CPS1: variants seen among roughly 807,000 people sequenced by gnomAD.
CPS1 encodes the protein carbamoyl-phosphate synthase 1.
Under a neutral mutation model 174.6 loss-of-function variants are expected in CPS1, and 109 were observed. The ratio of observed to expected loss-of-function variants is 0.62; its 90% CI spans 0.53 to 0.73. CPS1 has a LOEUF of 0.73. Among genes scored for constraint, CPS1 ranks in the 30% least tolerant of loss-of-function variants. CPS1 has a pLI of 0.00. For synonymous variants in CPS1, 637 were observed against 632.0 expected (o/e 1.01, Z -0.12); for missense variants, 1,689 against 1,821.9 (o/e 0.93, Z 1.33).
chr2:210,642,054 C>T (rs946484273), intron 24 of CPS1, among the ~76,000 whole-genome samples: 4 of 152,160 alleles, frequency 2.6e-5, no homozygotes, highest in Non-Finnish European at 1.5e-5. Flanking sequence ...AGCCCTCAGA[C>T]AGCAGATTAA....
At chr2:210,599,268 C>A in intron 13 of CPS1, 104 bp from the exon 14 acceptor site, 1 of 1,024,736 alleles carries the variant, frequency 9.8e-7, no homozygotes, top group Non-Finnish European at 1.5e-6. Flanking sequence ...CTACGGCCCA[C>A]AGATAACCTA....
intron 21 of CPS1, among the ~76,000 whole-genome samples, chr2:210,620,709 T>A (rs954490971): frequency 3.9e-5 from 6 of 151,906 alleles, no homozygotes; most frequent in African/African-American, 1.2e-4. Flanking sequence ...ACAACCAGAT[T>A]ATGCAAGAAT....
At chr2:210,485,101 G>A (rs1694679848) in intron 1 of CPS1, among the ~76,000 whole-genome samples, 1 of 151,880 alleles carries the variant, frequency 6.6e-6, no homozygotes, top group Non-Finnish European at 1.5e-5. Context: ...CATGGTGGCA[G>A]GCACCTGTAG....
chr2:210,513,003 T>G lies in CPS1; in HGVS notation c.3+35237T>G, dbSNP rs1260004832. The stretch of plus-strand genomic sequence containing the variant: ...ATATGGAGAGATATATATATGGAGA[T>G]ATATATATATCTATATATCTATATA... On this transcript the variant is annotated intron_variant, in intron 1 of 38. Transcript: ENST00000430249. Among the ~76,000 whole-genome samples, 4 of 24,670 alleles carry G rather than the reference T, an allele frequency of 1.6e-4. 1 individual carries two copies. Among genetic ancestry groups the G allele is most frequent in the Non-Finnish European group, 4.3e-4 (3 of 6,998 alleles). 16.2% of individuals were successfully genotyped at this position (24,670 alleles called of 152,430 possible).
At chr2:210,669,875 T>A (rs1368353333) in intron 34 of CPS1, among the ~76,000 whole-genome samples, 2 of 152,158 alleles carry the variant, frequency 1.3e-5, no homozygotes, top group Non-Finnish European at 2.9e-5. Context: ...CATCTAATCA[T>A]AATAGTGCTA....
chr2:210,648,111 CCTGAATGTTGA>C (rs1450301285), intron 26 of CPS1, 54 bp downstream of exon 26: 3 of 1,546,688 alleles, frequency 1.9e-6, no homozygotes, highest in Admixed American at 1.7e-5. Context: ...AGAGCTGCAA[CCTGAATGTTGA>C]CTGAATGTTG....
chr2:210,477,765 T>C (rs763703546), exon 1 of CPS1: 10 of 1,613,540 alleles, frequency 6.2e-6, no homozygotes, highest in Non-Finnish European at 8.5e-6. Flanking sequence ...CCGAGGCCCA[T>C]GGTGAGTCTT....
At chr2:210,581,310 T>C (rs1048976359) in intron 5 of CPS1, among the ~76,000 whole-genome samples, 5 of 152,148 alleles carry the variant, frequency 3.3e-5, no homozygotes, top group African/African-American at 1.2e-4. Context: ...TTGTCTTTCA[T>C]GTGATATGTT....
intron 1 of CPS1, among the ~76,000 whole-genome samples, chr2:210,478,202 C>T (rs568537454): frequency 6.6e-6 from 1 of 152,214 alleles, no homozygotes; most frequent in Non-Finnish European, 1.5e-5. Flanking sequence ...TATATTCCCT[C>T]TAACAGTATC....
intron 12 of CPS1, among the ~76,000 whole-genome samples, chr2:210,595,103 C>A (rs939381260): frequency 2.6e-5 from 4 of 151,724 alleles, no homozygotes; most frequent in Non-Finnish European, 5.9e-5. Flanking sequence ...AAAGTTTTTA[C>A]CCATTTCCTT....
chr2:210,577,800 T>G (rs928463942), intron 4 of CPS1, among the ~76,000 whole-genome samples: 6 of 152,166 alleles, frequency 3.9e-5, no homozygotes, highest in Admixed American at 6.6e-5. Context: ...TCTCTTCTCT[T>G]TAGCAATTGA....
chr2:210,634,223 G>A (rs1699960219), intron 21 of CPS1, among the ~76,000 whole-genome samples: 1 of 152,188 alleles, frequency 6.6e-6, no homozygotes, highest in African/African-American at 2.4e-5. Context: ...AAGGTCAGGA[G>A]ATCAAGACCA....
At chr2:210,641,468 A>C (rs1220975942) in intron 24 of CPS1, among the ~76,000 whole-genome samples, 1 of 151,968 alleles carries the variant, frequency 6.6e-6, no homozygotes, top group African/African-American at 2.4e-5. Flanking sequence ...AGGGATCTGC[A>C]CTTATGAACT....
chr2:210,586,447 T>C (rs552911026), intron 6 of CPS1, among the ~76,000 whole-genome samples: 20 of 152,170 alleles, frequency 1.3e-4, no homozygotes, highest in Non-Finnish European at 2.5e-4. Context: ...TGATAGATGA[T>C]AGAATGTTAG....
intron 9 of CPS1, among the ~76,000 whole-genome samples, chr2:210,591,528 A>T (rs1042884781): frequency 2.6e-5 from 4 of 151,972 alleles, no homozygotes; most frequent in Non-Finnish European, 5.9e-5. Flanking sequence ...TATATTTCTT[A>T]GTTTCTGTTA....
intron 31 of CPS1, 131 bp downstream of exon 31, chr2:210,658,819 G>T: frequency 1.4e-6 from 1 of 722,610 alleles, no homozygotes. Flanking sequence ...GTTTGTGTCT[G>T]AGTGTGGAAT....
intron 1 of CPS1, among the ~76,000 whole-genome samples, chr2:210,572,707 G>A (rs1471065734): frequency 6.6e-6 from 1 of 152,026 alleles, no homozygotes; most frequent in Admixed American, 6.6e-5. Context: ...ATGTTCCACA[G>A]TGCTTGGTTT....
At chr2:210,525,335 G>T (rs1217556434) in intron 1 of CPS1, among the ~76,000 whole-genome samples, 1 of 151,896 alleles carries the variant, frequency 6.6e-6, no homozygotes, top group Non-Finnish European at 1.5e-5. Context: ...AGACTATGCT[G>T]TCTTTTAAGA....
chr2:210,639,773 T>G (rs2105898487), intron 23 of CPS1, among the ~76,000 whole-genome samples: 1 of 152,304 alleles, frequency 6.6e-6, no homozygotes, highest in African/African-American at 2.4e-5. Flanking sequence ...TTATGCTATG[T>G]TCTCATGACT....
Sources: allele counts gnomAD v4.1 joint callset (sites outside exome capture counted in the v4.1 genomes callset), GRCh38; gene constraint gnomAD v4.1.1; transcripts MANE v1.5; gene names NCBI Gene and HGNC (gene_info 2026-07-23, HGNC 2026-07-21).